The following PRPH variants were observed in gnomAD, a reference collection of about 807,000 sequenced individuals.
PRPH encodes peripherin.
A neutral mutation model predicts 52.6 loss-of-function variants in PRPH; 48 were observed. That is an observed-to-expected ratio of 0.91 (90% CI 0.72 to 1.16). The LOEUF is 1.16. Among genes scored for constraint, PRPH ranks in the 50% most tolerant of loss-of-function variants. The pLI, the probability that PRPH is intolerant of heterozygous loss-of-function variation, is 0.00. For synonymous variants in PRPH, 279 were observed against 283.8 expected, an observed-to-expected ratio of 0.98 and a Z score of 0.17; for missense variants, 579 against 635.7, an observed-to-expected ratio of 0.91 and a Z score of 0.96.
Position 49,297,868 on chromosome 12 carries a change from C to T in PRPH, c.1268-90C>T, listed in dbSNP as rs1269566863. The T allele has an allele frequency of 1.9e-6, 3 of 1,582,278 alleles. No individual in the cohort carries two copies. Among genetic ancestry groups the T allele is most frequent in the Admixed American group, 1.7e-5 (1 of 59,878 alleles). ...ACCCACCCCTACTCCTCAAACCCGC[C>T]CCTCCCCTGCCCTCAGGGATAGCAG... On this transcript the variant is annotated intron_variant, in intron 7 of 8. Coordinates refer to ENST00000257860, the MANE Select transcript of PRPH (RefSeq NM_006262.4). This position sits in a 1 kb window ranked among gnomAD's most constrained non-coding sequence, Gnocchi z 4.4.
At position 49,297,743 on chromosome 12, in the gene PRPH, G is replaced by A; in HGVS notation, c.1267+17G>A. The A allele has an allele frequency of 6.2e-7, 1 of 1,613,692 alleles. No homozygotes were observed. The highest frequency in any genetic ancestry group is 8.5e-7 in the Non-Finnish European group (1 of 1,180,000). ...AGACGACTGGTGAGTCTGGCTTACAGCCTGTACCTCTCCTTGTCCACTTCT... is the reference window on the plus strand; with the variant it reads ...AGACGACTGGTGAGTCTGGCTTACAACCTGTACCTCTCCTTGTCCACTTCT... On this transcript the variant is annotated intron_variant, in intron 7 of 8. Transcript: ENST00000257860. The surrounding 1 kb of genome is among the most constrained non-coding windows in gnomAD (Gnocchi z 4.4).
Position 49,298,285 on chromosome 12 carries a change from C to A in PRPH, c.1348-3C>A. 6.2e-7 allele frequency: 1 copy of A among 1,614,132 alleles called. No individual in the cohort carries two copies. The highest frequency in any genetic ancestry group is 8.5e-7 in the Non-Finnish European group (1 of 1,180,002). On this transcript the variant is annotated splice_region_variant and splice_polypyrimidine_tract_variant and intron_variant, in intron 8 of 8. Coordinates refer to ENST00000257860, the MANE Select transcript of PRPH (RefSeq NM_006262.4). Reference sequence around the variant, plus strand: ...TGCCCATCATATGCCCTGTCCCCAGCAGGTGGTGACAGAGTCCCAGAAGGA... The same window carrying A: ...TGCCCATCATATGCCCTGTCCCCAGAAGGTGGTGACAGAGTCCCAGAAGGA...
chr12:49,297,125 C>T lies in PRPH; in HGVS notation c.871-23C>T, dbSNP rs188046200. 1 of 1,613,982 alleles carries T rather than the reference C, an allele frequency of 6.2e-7. No homozygotes were observed. The highest frequency in any genetic ancestry group is 2.2e-5 in the East Asian group (1 of 44,870). On this transcript the variant is annotated intron_variant, in intron 4 of 8. Coordinates refer to ENST00000257860, the MANE Select transcript of PRPH (RefSeq NM_006262.4). This position sits in a 1 kb window ranked among gnomAD's most constrained non-coding sequence, Gnocchi z 4.4. ...TGTCGCGCGTCCCAGCCGACTAAAG[C>T]CTGGGTTACCCCCACTTCTCAGTAC...
Position 49,295,354 on chromosome 12 carries a change from A to G in PRPH, c.154A>G (p.Ser52Gly). Residue 52 changes from serine to glycine, a missense_variant, in exon 1 of 9, where the codon AGC becomes GGC. Coordinates refer to ENST00000257860, the MANE Select transcript of PRPH (RefSeq NM_006262.4). ...SSRLLGSASP[S>G]SSVRLGSFRS... The stretch of plus-strand genomic sequence containing the variant: ...CCGCCTGCTGGGCTCCGCGTCCCCG[A>G]GCTCCTCGGTGCGCCTGGGCAGCTT... The G allele has an allele frequency of 6.2e-7, 1 of 1,610,326 alleles. No individual in the cohort carries two copies. Among genetic ancestry groups the G allele is most frequent in the Non-Finnish European group, 8.5e-7 (1 of 1,179,178 alleles).
chr12:49,297,110 C>T lies in PRPH; in HGVS notation c.871-38C>T. The T allele has an allele frequency of 6.2e-7, 1 of 1,613,938 alleles. No individual in the cohort carries two copies. Among genetic ancestry groups the T allele is most frequent in the Non-Finnish European group, 8.5e-7 (1 of 1,179,970 alleles). On this transcript the variant is annotated intron_variant, in intron 4 of 8. Coordinates refer to ENST00000257860, the MANE Select transcript of PRPH (RefSeq NM_006262.4). This position sits in a 1 kb window ranked among gnomAD's most constrained non-coding sequence, Gnocchi z 4.4. Reference sequence around the variant, plus strand: ...GGGACGCTGGGGTGGTGTCGCGCGTCCCAGCCGACTAAAGCCTGGGTTACC... The same window carrying T: ...GGGACGCTGGGGTGGTGTCGCGCGTTCCAGCCGACTAAAGCCTGGGTTACC...
In PRPH at chr12:49,297,969, G is replaced by C; in HGVS notation, c.1279G>C (p.Glu427Gln). 1 of 1,614,174 alleles carries C rather than the reference G, an allele frequency of 6.2e-7. No homozygotes were observed. The highest frequency in any genetic ancestry group is 8.5e-7 in the Non-Finnish European group (1 of 1,180,036). Residue 427 changes from glutamate to glutamine, a missense_variant, in exon 8 of 9, where the codon GAG becomes CAG. Transcript: ENST00000257860. This position sits in a 1 kb window ranked among gnomAD's most constrained non-coding sequence, Gnocchi z 4.4. ...CCTGCTTTCTTCAGTGCCTGAGGTG[G>C]AGCCTCCCCAGGACAGCCACAGCCG... ...LNIKTTVPEVEPPQDSHSRKT... is the reference protein window; with the variant it reads ...LNIKTTVPEVQPPQDSHSRKT...
Position 49,297,052 on chromosome 12 carries a change from C to A in PRPH, c.866C>A (p.Ser289Tyr). ...NLQEAEEWYK[S>Y]KYADLSDAAN... The stretch of plus-strand genomic sequence containing the variant: ...CAGGAGGCGGAGGAGTGGTACAAGT[C>A]CAAGGTGCAAGAGCCGGGAGGGCCT... The change falls in exon 4 of 9, where the codon TCC becomes TAC. Residue 289 changes from serine (S) to tyrosine (Y), a missense_variant. Physicochemically the swap from Ser to Tyr is moderately radical, Grantham distance 144 (BLOSUM62 -2). Transcript: ENST00000257860. This position sits in a 1 kb window ranked among gnomAD's most constrained non-coding sequence, Gnocchi z 4.4. 1 of 1,613,834 alleles carries A rather than the reference C, an allele frequency of 6.2e-7. No homozygotes were observed. Among genetic ancestry groups the A allele is most frequent in the Non-Finnish European group, 8.5e-7 (1 of 1,179,950 alleles).
chr12:49,295,248 A>T lies in PRPH; in HGVS notation c.48A>T (p.Ser16=). The T allele has an allele frequency of 6.2e-7, 1 of 1,611,326 alleles. No individual in the cohort carries two copies. The highest frequency in any genetic ancestry group is 8.5e-7 in the Non-Finnish European group (1 of 1,179,430). ...SGLRAGFSST[S]YRRTFGPPPS... ...TCCGGGCCGGCTTCAGCTCCACCTC[A>T]TACCGCCGTACCTTCGGTCCACCGC... Residue 16 remains serine (S), a synonymous_variant, in exon 1 of 9, where the codon TCA becomes TCT. Transcript: ENST00000257860.
chr12:49,297,321 G>A lies in PRPH; in HGVS notation c.997-36G>A. ...GGGCCCGGGGAGCGGACGATGAAAT[G>A]TTCTGCAACTGGCCCCTTCCACTCT... is the stretch of plus-strand genomic sequence containing the variant. On this transcript the variant is annotated intron_variant, in intron 5 of 8. Coordinates refer to ENST00000257860, the MANE Select transcript of PRPH (RefSeq NM_006262.4). This position sits in a 1 kb window ranked among gnomAD's most constrained non-coding sequence, Gnocchi z 4.4. The A allele has an allele frequency of 2.5e-6, 4 of 1,613,774 alleles. No homozygotes were observed. The highest frequency in any genetic ancestry group is 3.4e-6 in the Non-Finnish European group (4 of 1,179,998).
Position 49,297,139 on chromosome 12 carries a change from A to G in PRPH, c.871-9A>G. On this transcript the variant is annotated splice_polypyrimidine_tract_variant and intron_variant, in intron 4 of 8. Transcript: ENST00000257860. The surrounding 1 kb of genome is among the most constrained non-coding windows in gnomAD (Gnocchi z 4.4). ...GCCGACTAAAGCCTGGGTTACCCCC[A>G]CTTCTCAGTACGCGGACCTGTCCGA... 1.2e-6 allele frequency: 2 copies of G among 1,613,952 alleles called. No individual in the cohort carries two copies. Among genetic ancestry groups the G allele is most frequent in the Non-Finnish European group, 1.7e-6 (2 of 1,179,968 alleles).
At position 49,297,524 on chromosome 12, in the gene PRPH, C is replaced by T; in HGVS notation, c.1164C>T (p.Ala388=). Residue 388 remains alanine, a synonymous_variant, in exon 6 of 9, where the codon GCC becomes GCT. Transcript: ENST00000257860. This position sits in a 1 kb window ranked among gnomAD's most constrained non-coding sequence, Gnocchi z 4.4. The part of the protein sequence containing the change: ...EYQELLNVKM[A]LDIEIATYRK... The stretch of plus-strand genomic sequence containing the variant: ...AGGAGCTCCTCAACGTCAAGATGGC[C>T]CTGGACATCGAGATCGCCACCTACC... 6.2e-7 allele frequency: 1 copy of T among 1,612,324 alleles called. No individual in the cohort carries two copies. Among genetic ancestry groups the T allele is most frequent in the Non-Finnish European group, 8.5e-7 (1 of 1,179,914 alleles).
Position 49,295,380 on chromosome 12 carries a change from C to T in PRPH, c.180C>T (p.Phe60=), listed in dbSNP as rs761719687. ...SPSSSVRLGS[F]RSPRAGAGAL... ...GCTCCTCGGTGCGCCTGGGCAGCTTCCGTAGCCCCCGAGCGGGAGCGGGCG... is the reference window on the plus strand; with the variant it reads ...GCTCCTCGGTGCGCCTGGGCAGCTTTCGTAGCCCCCGAGCGGGAGCGGGCG... The change falls in exon 1 of 9, where the codon TTC becomes TTT. Residue 60 remains phenylalanine, a synonymous_variant. Transcript: ENST00000257860. The T allele has an allele frequency of 4.4e-6, 7 of 1,607,646 alleles. No individual in the cohort carries two copies. Among genetic ancestry groups the T allele is most frequent in the Middle Eastern group, 1.7e-4 (1 of 6,052 alleles).
In PRPH at chr12:49,297,071, A is replaced by G. The variant is rs1395532782; in HGVS notation, c.870+15A>G. The G allele has an allele frequency of 6.2e-7, 1 of 1,613,838 alleles. No homozygotes were observed. Among genetic ancestry groups the G allele is most frequent in the Non-Finnish European group, 8.5e-7 (1 of 1,179,930 alleles). On this transcript the variant is annotated intron_variant, in intron 4 of 8. Transcript: ENST00000257860. The surrounding 1 kb of genome is among the most constrained non-coding windows in gnomAD (Gnocchi z 4.4). The stretch of plus-strand genomic sequence containing the variant: ...ACAAGTCCAAGGTGCAAGAGCCGGG[A>G]GGGCCTGCGAGGCGGGACGCTGGGG...
rs779768102 is a variant in PRPH, at chr12:49,295,438, T to C, written c.238T>C (p.Phe80Leu). 1.2e-6 allele frequency: 2 copies of C among 1,606,690 alleles called. No homozygotes were observed. Among genetic ancestry groups the C allele is most frequent in the Non-Finnish European group, 1.7e-6 (2 of 1,177,270 alleles). ...GCGCCTGCCCTCGGAGCGCCTCGAC[T>C]TCTCCATGGCCGAGGCCCTCAACCA... ...LLRLPSERLD[F>L]SMAEALNQEF... Residue 80 changes from phenylalanine to leucine, a missense_variant, in exon 1 of 9, where the codon TTC becomes CTC. Physicochemically the swap from Phe to Leu is conservative, Grantham distance 22. Coordinates refer to ENST00000257860, the MANE Select transcript of PRPH (RefSeq NM_006262.4).
chr12:49,297,363 G>T lies in PRPH; in HGVS notation c.1003G>T (p.Ala335Ser). 1 of 1,613,660 alleles carries T rather than the reference G, an allele frequency of 6.2e-7. No individual in the cohort carries two copies. The highest frequency in any genetic ancestry group is 8.5e-7 in the Non-Finnish European group (1 of 1,179,960). Reference sequence around the variant, plus strand: ...TTCCACTCTCCTACCCCAGAACGAGGCGCTGCTCAGGCAGTTGAGAGAGCT... The same window carrying T: ...TTCCACTCTCCTACCCCAGAACGAGTCGCTGCTCAGGCAGTTGAGAGAGCT... ...EVDGLRGTNEALLRQLRELEE... is the reference protein window; with the variant it reads ...EVDGLRGTNESLLRQLRELEE... Residue 335 changes from alanine (A) to serine (S), a missense_variant, in exon 6 of 9, where the codon GCG (alanine) becomes TCG (serine). Ala to Ser is a moderately conservative substitution (Grantham distance 99). Transcript: ENST00000257860. The surrounding 1 kb of genome is among the most constrained non-coding windows in gnomAD (Gnocchi z 4.4).
In PRPH at chr12:49,295,255, C is replaced by T. The variant is rs542541750; in HGVS notation, c.55C>T (p.Arg19Cys). 5 of 1,611,942 alleles carry T rather than the reference C, an allele frequency of 3.1e-6. No homozygotes were observed. The highest frequency in any genetic ancestry group is 2.2e-5 in the East Asian group (1 of 44,824). The part of the protein sequence containing the change: ...RAGFSSTSYR[R>C]TFGPPPSLSP... ...CGGCTTCAGCTCCACCTCATACCGC[C>T]GTACCTTCGGTCCACCGCCCTCACT... The change falls in exon 1 of 9, where the codon CGT (arginine) becomes TGT (cysteine). Residue 19 changes from arginine to cysteine, a missense_variant. Physicochemically the swap from Arg to Cys is radical, Grantham distance 180 (BLOSUM62 -3). Coordinates refer to ENST00000257860, the MANE Select transcript of PRPH (RefSeq NM_006262.4).
In PRPH at chr12:49,296,681, C is replaced by G. The variant is rs956196903; in HGVS notation, c.702+154C>G. ...GTCTACAGGTGGTTAGACTCCCACC[C>G]TTGCGCCACCTGGCGGCGGGCAGCG... On this transcript the variant is annotated intron_variant, in intron 3 of 8. Coordinates refer to ENST00000257860, the MANE Select transcript of PRPH (RefSeq NM_006262.4). The surrounding 1 kb of genome is among the most constrained non-coding windows in gnomAD (Gnocchi z 5.1). 5.0e-5 allele frequency: 55 copies of G among 1,102,572 alleles called. No homozygotes were observed. In the Admixed American group the frequency reaches 1.2e-3, roughly 23 times the overall value. The allele number at this position is 1,102,572 out of a possible 1,614,324, so 68.3% of individuals were successfully genotyped here.
rs1943198165 is a variant in PRPH at position 49,297,312 on chromosome 12, C to A, written c.996+39C>A. 1 of 1,613,636 alleles carries A rather than the reference C, an allele frequency of 6.2e-7. No individual in the cohort carries two copies. Among genetic ancestry groups the A allele is most frequent in the Non-Finnish European group, 8.5e-7 (1 of 1,179,992 alleles). On this transcript the variant is annotated intron_variant, in intron 5 of 8. Transcript: ENST00000257860. This position sits in a 1 kb window ranked among gnomAD's most constrained non-coding sequence, Gnocchi z 4.4. ...TGCGCGCTCGGGCCCGGGGAGCGGACGATGAAATGTTCTGCAACTGGCCCC... is the reference window on the plus strand; with the variant it reads ...TGCGCGCTCGGGCCCGGGGAGCGGAAGATGAAATGTTCTGCAACTGGCCCC...
In PRPH at chr12:49,298,604, A is replaced by G; in HGVS notation, c.*251A>G. The G allele has an allele frequency of 5.6e-6, 3 of 531,170 alleles. No homozygotes were observed. The highest frequency in any genetic ancestry group is 1.0e-5 in the Non-Finnish European group (3 of 292,744). The allele number at this position is 531,170 out of a possible 1,614,324, so 32.9% of individuals were successfully genotyped here. A position where few individuals can be genotyped will look rare whatever the true frequency, so the allele number is the denominator to read the frequency against. On this transcript the variant is annotated 3_prime_UTR_variant, in exon 9 of 9. Coordinates refer to ENST00000257860, the MANE Select transcript of PRPH (RefSeq NM_006262.4). ...AGCCAATGATCCCCCCTCAGGACAA[A>G]TCTACTCCAGCCACGATGAGAAGTG...
Sources: allele counts gnomAD v4.1 joint callset, GRCh38; gene constraint gnomAD v4.1.1; non-coding constraint Gnocchi (gnomAD v3.1); transcripts MANE v1.5; gene names NCBI Gene and HGNC (gene_info 2026-07-23, HGNC 2026-07-21).